The following ADGRV1 variants were observed in gnomAD, a reference collection of about 807,000 sequenced individuals.
ADGRV1 encodes the protein adhesion G protein-coupled receptor V1.
In ADGRV1, 359 loss-of-function variants were observed where a neutral mutation model predicts 596.2. That is an observed-to-expected ratio of 0.60 (90% CI 0.55 to 0.66). The LOEUF is 0.66. ADGRV1 is among the 30% of genes least tolerant of loss of function. ADGRV1 has a pLI of 0.00. For missense variants in ADGRV1, 7,274 were observed against 7,575.6 expected (o/e 0.96, Z 1.48); for synonymous variants, 2,681 against 2,679.2 (o/e 1.00, Z -0.02).
rs540179978 is a variant in ADGRV1 at position 90,986,236 on chromosome 5, C to T, written c.18152+714C>T. The stretch of plus-strand genomic sequence containing the variant: ...AACACTTTGCAATAATAAAGCTCAA[C>T]CAATTCTTGGTATAAGGAAGAGAAA... On this transcript the variant is annotated intron_variant, in intron 85 of 89. Coordinates refer to ENST00000405460, the MANE Select transcript of ADGRV1 (RefSeq NM_032119.4). Among the ~76,000 whole-genome samples the T allele has an allele frequency of 3.3e-5, 5 of 151,132 alleles. No individual in the cohort carries two copies. The South Asian group carries it at 1.0e-3, about 32-fold the overall frequency.
chr5:90,631,226 T>C (rs1191750456), intron 9 of ADGRV1, among the ~76,000 whole-genome samples: 1 of 152,218 alleles, frequency 6.6e-6, no homozygotes, highest in Non-Finnish European at 1.5e-5. Context: ...TAACTCGATC[T>C]TTGTCTCTGA....
intron 87 of ADGRV1, among the ~76,000 whole-genome samples, chr5:91,120,055 A>C (rs916120470): frequency 2.0e-5 from 3 of 152,218 alleles, no homozygotes; most frequent in Admixed American, 6.5e-5. Flanking sequence ...AGCTACTGAC[A>C]AGAACATAGC....
At chr5:90,827,471 G>T (rs1764162749) in intron 76 of ADGRV1, among the ~76,000 whole-genome samples, 1 of 152,064 alleles carries the variant, frequency 6.6e-6, no homozygotes, top group South Asian at 2.1e-4. Flanking sequence ...TTGTTTGTAG[G>T]TGGCTATAAG....
At chr5:91,016,238 C>G (rs1018873335) in intron 85 of ADGRV1, among the ~76,000 whole-genome samples, 2 of 151,868 alleles carry the variant, frequency 1.3e-5, no homozygotes, top group South Asian at 2.1e-4. Flanking sequence ...CAAACAATAT[C>G]TTGTGTTTTT....
intron 85 of ADGRV1, among the ~76,000 whole-genome samples, chr5:90,986,990 A>C (rs1032290244): frequency 3.9e-4 from 60 of 152,220 alleles, no homozygotes; most frequent in African/African-American, 1.4e-3. Flanking sequence ...TGTAATATTA[A>C]TTAGAAAAAA....
rs536498881 is a variant in ADGRV1, at chr5:90,824,324, C to CT, written c.16368+729dup. Among the ~76,000 whole-genome samples, 84 of 152,254 alleles carry CT rather than the reference C, an allele frequency of 5.5e-4. 2 individuals carry two copies. The South Asian group carries it at 0.017, about 31-fold the overall frequency. ...TTCTAGAGCTGTCTTGATTTTTTCCCTGATGTAAGACAGCCAATTAACTAG... is the reference window on the plus strand; with the variant it reads ...TTCTAGAGCTGTCTTGATTTTTTCCCTTGATGTAAGACAGCCAATTAACTAG... On this transcript the variant is annotated intron_variant, in intron 76 of 89. Transcript: ENST00000405460.
chr5:90,823,616 A>G lies in ADGRV1; in HGVS notation c.16368+20A>G, dbSNP rs757786523. On this transcript the variant is annotated intron_variant, in intron 76 of 89. Coordinates refer to ENST00000405460, the MANE Select transcript of ADGRV1 (RefSeq NM_032119.4). ...GAAAAGGTAAGAAATGAAGAGACAC[A>G]CTAGTGTCAACTTCTAATTATATTT... The G allele has an allele frequency of 1.3e-6, 2 of 1,577,198 alleles. No individual in the cohort carries two copies. The highest frequency in any genetic ancestry group is 1.7e-6 in the Non-Finnish European group (2 of 1,148,862).
intron 83 of ADGRV1, chr5:90,929,137 C>G (rs1168174027): frequency 6.6e-6 from 1 of 151,164 alleles, no homozygotes; most frequent in Non-Finnish European, 1.5e-5. Flanking sequence ...AGGCAGGCCT[C>G]CTTGAGCTGT....
chr5:91,109,698 C>A (rs1792198887), intron 87 of ADGRV1, among the ~76,000 whole-genome samples: 1 of 152,160 alleles, frequency 6.6e-6, no homozygotes, highest in Admixed American at 6.6e-5. Context: ...TGGTACCATC[C>A]TGGGTCACAT....
chr5:90,568,127 A>G (rs760921688), intron 1 of ADGRV1, among the ~76,000 whole-genome samples: 3 of 151,492 alleles, frequency 2.0e-5, no homozygotes, highest in Admixed American at 6.6e-5. Context: ...TTCCCACTCA[A>G]ATATTTTTTC....
chr5:90,757,843 TTAAC>T (rs1226939988), intron 57 of ADGRV1, among the ~76,000 whole-genome samples: 37 of 152,182 alleles, frequency 2.4e-4, no homozygotes, highest in South Asian at 4.1e-4. Flanking sequence ...GTTAGTAACT[TTAAC>T]TAGCACCTCT....
chr5:90,763,411 T>TGAGAGTAGATG lies in ADGRV1; in HGVS notation c.12227_12228insGAGAGTAGATG (p.Ile4076MetfsTer16). 1 of 1,613,774 alleles carries TGAGAGTAGATG rather than the reference T, an allele frequency of 6.2e-7. No homozygotes were observed. Among genetic ancestry groups the TGAGAGTAGATG allele is most frequent in the Non-Finnish European group, 8.5e-7 (1 of 1,179,734 alleles). On this transcript the variant is annotated frameshift_variant, in exon 59 of 90. Transcript: ENST00000405460. LOFTEE classifies it high-confidence loss of function. ...GGAACCGTCCGACTTGAGTGGACCA[T>TGAGAGTAGATG]AGATGAGAAGGCTAAACATAACCTT...
chr5:90,756,378 A>G, intron 55 of ADGRV1, 76 bp from the exon 56 acceptor site: 1 of 952,152 alleles, frequency 1.1e-6, no homozygotes, highest in Non-Finnish European at 1.6e-6. Context: ...TTCCTTACTG[A>G]AAAATATCAA....
chr5:91,012,469 A>G (rs1222148247), intron 85 of ADGRV1, among the ~76,000 whole-genome samples: 6 of 151,868 alleles, frequency 4.0e-5, no homozygotes, highest in Admixed American at 3.9e-4. Context: ...CTTTATTTCC[A>G]TTATAGCTGG....
intron 34 of ADGRV1, among the ~76,000 whole-genome samples, chr5:90,698,142 G>A (rs1747443776): frequency 6.6e-6 from 1 of 152,140 alleles, no homozygotes; most frequent in South Asian, 2.1e-4. Context: ...TGTCATAGCA[G>A]TAATGAGTAA....
At chr5:91,158,626 A>G (rs950614011) in intron 89 of ADGRV1, among the ~76,000 whole-genome samples, 2 of 152,216 alleles carry the variant, frequency 1.3e-5, no homozygotes, top group Admixed American at 6.5e-5. Flanking sequence ...ATAAGTCTCA[A>G]ATGAGCAAGT....
At position 91,163,952 on chromosome 5, in the gene ADGRV1, G is replaced by A. The variant is rs1260459854; in HGVS notation, c.*52G>A. 4 of 864,460 alleles carry A rather than the reference G, an allele frequency of 4.6e-6. No homozygotes were observed. The East Asian group carries it at 1.0e-4, about 22-fold the overall frequency. 53.5% of individuals were successfully genotyped at this position (864,460 alleles called of 1,614,324 possible). On this transcript the variant is annotated 3_prime_UTR_variant, in exon 90 of 90. Coordinates refer to ENST00000405460, the MANE Select transcript of ADGRV1 (RefSeq NM_032119.4). ...CACTTTCATATTTGTATCAGCTTTT[G>A]TGCTAAAACTCTCTAAGTACATCCA... is the stretch of plus-strand genomic sequence containing the variant.
At chr5:90,731,013 G>A (rs760867706) in intron 50 of ADGRV1, among the ~76,000 whole-genome samples, 5 of 152,118 alleles carry the variant, frequency 3.3e-5, no homozygotes, top group Non-Finnish European at 5.9e-5. Flanking sequence ...CTTAATGTAT[G>A]GTTGGAGAAG....
chr5:90,924,692 C>T (rs1377546594), intron 83 of ADGRV1, among the ~76,000 whole-genome samples: 3 of 152,116 alleles, frequency 2.0e-5, no homozygotes, highest in African/African-American at 7.2e-5. Flanking sequence ...GTGTTTTGGA[C>T]ATGAAGTCCT....
Sources: gnomAD v4.1 joint callset for allele counts (sites outside exome capture counted in the v4.1 genomes callset) on GRCh38, gnomAD v4.1.1 for gene constraint, MANE v1.5 for transcripts, NCBI Gene and HGNC (gene_info 2026-07-23, HGNC 2026-07-21) for gene names.